GFOD1: variants seen among roughly 807,000 people sequenced by gnomAD.
GFOD1 encodes glucose-fructose oxidoreductase domain-containing protein 1.
GFOD1 carries 9 observed loss-of-function variants against 25.4 expected under a neutral mutation model. The observed-to-expected ratio is 0.35, with a 90% CI of 0.21 to 0.62. The LOEUF is 0.62. Ranked by LOEUF, GFOD1 falls within the 20% of genes least tolerant of loss-of-function variation. GFOD1 has a pLI of 0.72. For missense variants in GFOD1, 403 were observed against 556.9 expected, an observed-to-expected ratio of 0.72 and a Z score of 2.78; for synonymous variants, 253 against 245.6, an observed-to-expected ratio of 1.03 and a Z score of -0.28.
At chr6:13,436,896 C>A (rs913126854) in intron 1 of GFOD1, among the ~76,000 whole-genome samples, 1 of 152,202 alleles carries the variant, frequency 6.6e-6, no homozygotes, top group African/African-American at 2.4e-5. Flanking sequence ...ATCAAAGGCA[C>A]TGTGTTCATT....
rs192439860 is a variant in GFOD1 at position 13,371,262 on chromosome 6, C to A, written c.254-5600G>T. ...TGGAGAAACCTACAAAGGCTTTCCC[C>A]CTTTTGCCATGAGAAAAGAATACTG... On this transcript the variant is annotated intron_variant, in intron 1 of 1. Coordinates refer to ENST00000379287, the MANE Select transcript of GFOD1 (RefSeq NM_018988.4). Among the ~76,000 whole-genome samples the A allele has an allele frequency of 1.2e-3, 180 of 152,320 alleles. 1 individual carries two copies. Among genetic ancestry groups the A allele is most frequent in the Middle Eastern group, 3.4e-3 (1 of 292 alleles).
intron 1 of GFOD1, among the ~76,000 whole-genome samples, chr6:13,397,966 A>G (rs1785767982): frequency 1.3e-5 from 2 of 152,242 alleles, no homozygotes; most frequent in African/African-American, 2.4e-5. Context: ...CAAAGTATGC[A>G]TCTTCTTTGC....
rs1357141039 is a variant in GFOD1, at chr6:13,363,471, C to T, written c.*1272G>A. 2 of 150,512 alleles carry T rather than the reference C, an allele frequency of 1.3e-5. No homozygotes were observed. Among genetic ancestry groups the T allele is most frequent in the Admixed American group, 6.6e-5 (1 of 15,068 alleles). 9.3% of individuals were successfully genotyped at this position (150,512 alleles called of 1,614,324 possible). A position where few individuals can be genotyped will look rare whatever the true frequency, so the allele number is the denominator to read the frequency against. ...ACTAGAAATAATGTTCCTTGTTGTCCTTTTGTTTTGTTTCGTTTAGTACCT... is the reference window on the plus strand; with the variant it reads ...ACTAGAAATAATGTTCCTTGTTGTCTTTTTGTTTTGTTTCGTTTAGTACCT... On this transcript the variant is annotated 3_prime_UTR_variant, in exon 2 of 2. Transcript: ENST00000379287.
intron 1 of GFOD1, among the ~76,000 whole-genome samples, chr6:13,394,556 C>G (rs1785689213): frequency 7.0e-6 from 1 of 143,190 alleles, no homozygotes; most frequent in Admixed American, 7.8e-5. Flanking sequence ...CTCACTGCAG[C>G]CTCAAACTCC....
At chr6:13,370,225 G>C (rs997013772) in intron 1 of GFOD1, among the ~76,000 whole-genome samples, 4 of 152,160 alleles carry the variant, frequency 2.6e-5, no homozygotes, top group African/African-American at 9.7e-5. Context: ...AGGTCTTCTT[G>C]CTCCATTTGC....
intron 1 of GFOD1, among the ~76,000 whole-genome samples, chr6:13,417,668 A>G (rs1386714187): frequency 6.6e-6 from 1 of 152,262 alleles, no homozygotes; most frequent in Non-Finnish European, 1.5e-5. Flanking sequence ...TGTCAGGCAC[A>G]GACGCAGAAC....
intron 1 of GFOD1, among the ~76,000 whole-genome samples, chr6:13,413,888 A>C (rs896071017): frequency 2.0e-5 from 3 of 152,206 alleles, no homozygotes; most frequent in African/African-American, 7.2e-5. Context: ...TCACCTTAGG[A>C]ATTATGCAGC....
chr6:13,469,997 A>G, intron 1 of GFOD1: 3 of 1,327,088 alleles, frequency 2.3e-6, no homozygotes, highest in Non-Finnish European at 3.0e-6. Context: ...GCCATATCTT[A>G]TATGCCTTTG....
At chr6:13,378,673 C>T (rs560944226) in intron 1 of GFOD1, among the ~76,000 whole-genome samples, 6 of 152,316 alleles carry the variant, frequency 3.9e-5, no homozygotes, top group African/African-American at 1.2e-4. Flanking sequence ...GTGGGCACCT[C>T]TCATCTCAGC....
chr6:13,418,088 G>A (rs1394331875), intron 1 of GFOD1, among the ~76,000 whole-genome samples: 1 of 152,234 alleles, frequency 6.6e-6, no homozygotes, highest in Non-Finnish European at 1.5e-5. Flanking sequence ...TTAACTTGCA[G>A]GTAAGAAGAG....
At chr6:13,469,468 C>T (rs1189407302) in intron 1 of GFOD1, 10 of 989,030 alleles carry the variant, frequency 1.0e-5, no homozygotes, top group East Asian at 2.2e-4. Flanking sequence ...ACCATTTCCC[C>T]GTTTCTATAC....
chr6:13,411,936 T>C (rs1187726942), intron 1 of GFOD1, among the ~76,000 whole-genome samples: 1 of 152,234 alleles, frequency 6.6e-6, no homozygotes, highest in Non-Finnish European at 1.5e-5. Context: ...TTTTTAGCTG[T>C]TGCGGTCAAA....
At chr6:13,427,011 T>G (rs1256747315) in intron 1 of GFOD1, among the ~76,000 whole-genome samples, 2 of 152,208 alleles carry the variant, frequency 1.3e-5, no homozygotes, top group African/African-American at 4.8e-5. Context: ...TCACAGTTAT[T>G]GTGATGAGCG....
intron 1 of GFOD1, chr6:13,470,535 G>A: frequency 6.5e-7 from 1 of 1,548,944 alleles, no homozygotes; most frequent in Non-Finnish European, 8.7e-7. Context: ...TGGGGGTGCT[G>A]GAGGGAGCAG....
intron 1 of GFOD1, among the ~76,000 whole-genome samples, chr6:13,437,839 T>C (rs1186257137): frequency 1.3e-5 from 2 of 152,214 alleles, no homozygotes; most frequent in Admixed American, 1.3e-4. Context: ...AGAGTAAAGA[T>C]ACTTTACTCA....
rs55888360 is a variant in GFOD1 at position 13,481,558 on chromosome 6, TAC to T, written c.253+5078_253+5079del. On this transcript the variant is annotated intron_variant, in intron 1 of 1. Coordinates refer to ENST00000379287, the MANE Select transcript of GFOD1 (RefSeq NM_018988.4). ...CCACTGAAAGTGGAGAGTGATACCT[TAC>T]ACACACACACACACACACACACACA... Among the ~76,000 whole-genome samples, 409 of 150,770 alleles carry T rather than the reference TAC, an allele frequency of 2.7e-3. 1 individual carries two copies. Among genetic ancestry groups the T allele is most frequent in the African/African-American group, 9.7e-3 (397 of 41,058 alleles).
intron 1 of GFOD1, chr6:13,486,288 A>C: frequency 6.5e-6 from 2 of 306,576 alleles, no homozygotes; most frequent in Non-Finnish European, 5.4e-6. Context: ...CTACACACAC[A>C]GCTGAGGAGT....
At position 13,469,854 on chromosome 6, in the gene GFOD1, A is replaced by T. The variant is rs905820742; in HGVS notation, c.253+16784T>A. ...ATTGGAGGTTGGCCATGAGACGTAAATGAGTAACACTCGTACTATGTCTCA... is the reference window on the plus strand; with the variant it reads ...ATTGGAGGTTGGCCATGAGACGTAATTGAGTAACACTCGTACTATGTCTCA... On this transcript the variant is annotated intron_variant, in intron 1 of 1. Coordinates refer to ENST00000379287, the MANE Select transcript of GFOD1 (RefSeq NM_018988.4). The T allele has an allele frequency of 4.2e-6, 5 of 1,182,982 alleles. No homozygotes were observed. In the African/African-American group the frequency reaches 6.3e-5, roughly 15 times the overall value. 73.3% of individuals were successfully genotyped at this position (1,182,982 alleles called of 1,614,324 possible).
At chr6:13,443,835 A>AAAAAG (rs1757957033) in intron 1 of GFOD1, among the ~76,000 whole-genome samples, 1 of 151,020 alleles carries the variant, frequency 6.6e-6, no homozygotes, top group African/African-American at 2.4e-5. Flanking sequence ...AAAAAAAAAA[A>AAAAAG]AAATCATCAC....
Sources: allele counts gnomAD v4.1 joint callset (sites outside exome capture counted in the v4.1 genomes callset), GRCh38; gene constraint gnomAD v4.1.1; transcripts MANE v1.5; gene names NCBI Gene and HGNC (gene_info 2026-07-23, HGNC 2026-07-21).